The following OSBPL5 variants were observed in gnomAD, a reference collection of about 807,000 sequenced individuals.
The protein encoded by OSBPL5 is oxysterol-binding protein-related protein 5.
Under a neutral mutation model 111.2 loss-of-function variants are expected in OSBPL5, and 71 were observed. The ratio of observed to expected loss-of-function variants is 0.64; its 90% CI spans 0.53 to 0.78. OSBPL5 has a LOEUF of 0.78. OSBPL5 is among the 30% of genes least tolerant of loss of function. The pLI is 0.00. For missense variants in OSBPL5, 1,210 were observed against 1,189.3 expected (o/e 1.02, Z -0.26); for synonymous variants, 549 against 513.9 (o/e 1.07, Z -0.93).
At position 3,134,118 on chromosome 11, in the gene OSBPL5, G is replaced by A. The variant is rs144786527; in HGVS notation, c.-21-4949C>T. ...CCCGGAAGCCACCACCTGACCCCAA[G>A]TCCAAGTCAGCCACAACCCTCTTCT... On this transcript the variant is annotated intron_variant, in intron 1 of 21. Transcript: ENST00000263650. Among the ~76,000 whole-genome samples the A allele has an allele frequency of 2.3e-3, 345 of 152,298 alleles. 1 individual carries two copies. The highest frequency in any genetic ancestry group is 0.01 in the Middle Eastern group (3 of 294).
intron 3 of OSBPL5, among the ~76,000 whole-genome samples, chr11:3,123,805 C>A (rs781300347): frequency 3.9e-4 from 60 of 152,236 alleles, no homozygotes; most frequent in Non-Finnish European, 8.8e-5. Context: ...TCCAGCCATG[C>A]ATAAGGTGGG....
rs773071766 is a variant in OSBPL5, at chr11:3,093,661, G to A, written c.1812C>T (p.Asp604=). 1.2e-6 allele frequency: 2 copies of A among 1,613,102 alleles called. No homozygotes were observed. Among genetic ancestry groups the A allele is most frequent in the African/African-American group, 1.3e-5 (1 of 74,932 alleles). The stretch of plus-strand genomic sequence containing the variant: ...CTTCCTCCTTGATAAACACGTCCCT[G>A]TCCTGCCCCAGATGGCCAGCGGGGT... ...EVLASLSGHW[D]RDVFIKEEGS... The change falls in exon 17 of 22, where the codon GAC becomes GAT. Residue 604 remains aspartate, a splice_region_variant and synonymous_variant. Coordinates refer to ENST00000263650, the MANE Select transcript of OSBPL5 (RefSeq NM_020896.4).
At chr11:3,153,399 C>T (rs953709286) in intron 1 of OSBPL5, among the ~76,000 whole-genome samples, 13 of 152,244 alleles carry the variant, frequency 8.5e-5, no homozygotes, top group African/African-American at 1.2e-4. Flanking sequence ...GGGATATGCA[C>T]GGAACAGGGC....
intron 7 of OSBPL5, among the ~76,000 whole-genome samples, chr11:3,111,451 T>C (rs982804257): frequency 2.6e-5 from 4 of 152,178 alleles, no homozygotes; most frequent in Admixed American, 2.6e-4. Context: ...TAGCTAAAGT[T>C]AAGATTAACA....
intron 15 of OSBPL5, 88 bp from the exon 16 acceptor site, chr11:3,093,923 C>T (rs1039546822): frequency 2.7e-6 from 4 of 1,475,114 alleles, no homozygotes; most frequent in Non-Finnish European, 3.7e-6. Context: ...AACAGTTATT[C>T]TCTTGGGGTG....
rs183951693 is a variant in OSBPL5 at position 3,109,567 on chromosome 11, T to C, written c.692-1622A>G. 7.9e-5 allele frequency among the ~76,000 whole-genome samples: 12 copies of C among 152,156 alleles called. No homozygotes were observed. The highest frequency in any genetic ancestry group is 1.6e-4 in the Non-Finnish European group (11 of 67,988). ...CTTCGTGGGGCATCTCAGGGTCCAG[T>C]GTAGGGAGGGGCCTGCCTAGACAGT... On this transcript the variant is annotated intron_variant, in intron 7 of 21. Transcript: ENST00000263650. The surrounding 1 kb of genome is among the most constrained non-coding windows in gnomAD (Gnocchi z 7.4).
chr11:3,125,809 A>T (rs137929740), intron 3 of OSBPL5, among the ~76,000 whole-genome samples: 409 of 38,296 alleles, frequency 0.011, 5 homozygotes, highest in Non-Finnish European at 0.014. Flanking sequence ...CGTCTCAAAA[A>T]AAAAAAAAAA....
chr11:3,128,262 G>T (rs116768484), intron 2 of OSBPL5, among the ~76,000 whole-genome samples: 15 of 152,246 alleles, frequency 9.9e-5, no homozygotes, highest in African/African-American at 3.6e-4. Context: ...CAGGGCTGGG[G>T]CTCCCACTTC....
At chr11:3,120,392 C>A in intron 6 of OSBPL5, 29 bp downstream of exon 6, 1 of 1,598,772 alleles carries the variant, frequency 6.3e-7, no homozygotes, top group Non-Finnish European at 8.5e-7. Context: ...TACGGGGCCT[C>A]TGTCTTCAAC....
At chr11:3,127,632 G>T (rs1220894748) in intron 2 of OSBPL5, among the ~76,000 whole-genome samples, 1 of 152,226 alleles carries the variant, frequency 6.6e-6, no homozygotes, top group Non-Finnish European at 1.5e-5. Context: ...AGGCTAGCAG[G>T]AGCGCTCTTC....
chr11:3,119,439 C>G (rs1294034482), intron 7 of OSBPL5, 108 bp downstream of exon 7: 54 of 1,127,648 alleles, frequency 4.8e-5, no homozygotes, highest in Non-Finnish European at 6.2e-5. Flanking sequence ...TGCCCCCAGA[C>G]AGTAGAAGGG....
At chr11:3,155,960 T>C (rs1846746328) in intron 1 of OSBPL5, among the ~76,000 whole-genome samples, 1 of 152,250 alleles carries the variant, frequency 6.6e-6, no homozygotes, top group African/African-American at 2.4e-5. Context: ...TTTCTGGTTT[T>C]AATTAACAAA....
chr11:3,163,538 C>T (rs1041108656), intron 1 of OSBPL5, among the ~76,000 whole-genome samples: 1 of 150,672 alleles, frequency 6.6e-6, no homozygotes, highest in Non-Finnish European at 1.5e-5. Context: ...GTGGGGGGGG[C>T]GGTCTTGCGT....
At chr11:3,164,990 C>A in intron 1 of OSBPL5, among the ~76,000 whole-genome samples, 1 of 150,988 alleles carries the variant, frequency 6.6e-6, no homozygotes, top group Admixed American at 6.6e-5. Context: ...CGCCCCCAGG[C>A]TCCCGCGCTC....
chr11:3,107,957 A>G lies in OSBPL5; in HGVS notation c.692-12T>C. The stretch of plus-strand genomic sequence containing the variant: ...CAGCCAGCAGCGACCTGCGGGGCAC[A>G]CGGGATGAGCATGCCCCACCCCCAC... On this transcript the variant is annotated splice_polypyrimidine_tract_variant and intron_variant, in intron 7 of 21. Coordinates refer to ENST00000263650, the MANE Select transcript of OSBPL5 (RefSeq NM_020896.4). This position sits in a 1 kb window ranked among gnomAD's most constrained non-coding sequence, Gnocchi z 6.1. 1 of 1,578,942 alleles carries G rather than the reference A, an allele frequency of 6.3e-7. No homozygotes were observed. Among genetic ancestry groups the G allele is most frequent in the Non-Finnish European group, 8.5e-7 (1 of 1,173,422 alleles).
Position 3,141,827 on chromosome 11 carries a change from T to A in OSBPL5, c.-21-12658A>T, listed in dbSNP as rs1846129614. Among the ~76,000 whole-genome samples, 1 of 139,672 alleles carries A rather than the reference T, an allele frequency of 7.2e-6. No individual in the cohort carries two copies. Among genetic ancestry groups the A allele is most frequent in the South Asian group, 2.6e-4 (1 of 3,848 alleles). The allele number at this position is 139,672 out of a possible 152,430, so 91.6% of individuals were successfully genotyped here. A position where few individuals can be genotyped will look rare whatever the true frequency, so the allele number is the denominator to read the frequency against. On this transcript the variant is annotated intron_variant, in intron 1 of 21. Transcript: ENST00000263650. The surrounding 1 kb of genome is among the most constrained non-coding windows in gnomAD (Gnocchi z 6.5). The stretch of plus-strand genomic sequence containing the variant: ...CCCAGTGCAGGGACTGGGAGGACTC[T>A]ACGCCCTGGAAGGAAAAAAGACTGC...
chr11:3,122,642 G>A (rs927378859), intron 3 of OSBPL5, among the ~76,000 whole-genome samples: 1 of 152,166 alleles, frequency 6.6e-6, no homozygotes, highest in Non-Finnish European at 1.5e-5. Flanking sequence ...GACCCTCCAT[G>A]GGCACACGCC....
rs764655760 is a variant in OSBPL5, at chr11:3,121,961, C to A, written c.402+36G>T. On this transcript the variant is annotated intron_variant, in intron 5 of 21. Coordinates refer to ENST00000263650, the MANE Select transcript of OSBPL5 (RefSeq NM_020896.4). This position sits in a 1 kb window ranked among gnomAD's most constrained non-coding sequence, Gnocchi z 4.3. ...TTGTTATGGCAGCAGCACGCTGACCCGTGTCCTGGGTGGCCGGAGGCCGGG... is the reference window on the plus strand; with the variant it reads ...TTGTTATGGCAGCAGCACGCTGACCAGTGTCCTGGGTGGCCGGAGGCCGGG... The A allele has an allele frequency of 1.0e-4, 156 of 1,525,066 alleles. No individual in the cohort carries two copies. The highest frequency in any genetic ancestry group is 1.3e-4 in the Non-Finnish European group (151 of 1,134,004). The allele number at this position is 1,525,066 out of a possible 1,614,324, so 94.5% of individuals were successfully genotyped here.
intron 17 of OSBPL5, chr11:3,093,296 C>G (rs377706454): frequency 1.3e-6 from 1 of 773,314 alleles, no homozygotes; most frequent in Admixed American, 2.9e-5. Flanking sequence ...GGTCACTCGC[C>G]GGCAGTGATG....
Sources: allele counts gnomAD v4.1 joint callset (sites outside exome capture counted in the v4.1 genomes callset), GRCh38; gene constraint gnomAD v4.1.1; non-coding constraint Gnocchi (gnomAD v3.1); transcripts MANE v1.5; gene names NCBI Gene and HGNC (gene_info 2026-07-23, HGNC 2026-07-21).